The following PDCD2L variants were observed in gnomAD, a reference collection of about 807,000 sequenced individuals.
PDCD2L encodes the protein programmed cell death 2 like, also known as uS5 assembly chaperone PDCD2L.
In PDCD2L, 44 loss-of-function variants were observed where a neutral mutation model predicts 40.4. The ratio of observed to expected loss-of-function variants is 1.09; its 90% CI spans 0.86 to 1.40. The LOEUF (loss-of-function observed/expected upper bound fraction) is 1.40, where lower values mean the gene tolerates loss of function less well. Among genes scored for constraint, PDCD2L ranks in the 40% most tolerant of loss-of-function variants. PDCD2L has a pLI of 0.00. For synonymous variants in PDCD2L, 194 were observed against 174.6 expected (o/e 1.11, Z -0.88); for missense variants, 470 against 453.7 (o/e 1.04, Z -0.33).
At position 34,406,242 on chromosome 19, in the gene PDCD2L, G is replaced by A. The variant is rs948986201; in HGVS notation, c.336+1252G>A. 3.3e-5 allele frequency among the ~76,000 whole-genome samples: 5 copies of A among 152,082 alleles called. 1 individual carries two copies. In the South Asian group the frequency reaches 1.0e-3, roughly 32 times the overall value. On this transcript the variant is annotated intron_variant, in intron 3 of 6. Transcript: ENST00000246535. ...AGTTTATAATAATGTATAAATTTAT[G>A]AGGTATAAAGTGATGGCTATGATTC...
chr19:34,409,884 A>T (rs1042854077), intron 4 of PDCD2L, among the ~76,000 whole-genome samples: 2 of 152,206 alleles, frequency 1.3e-5, no homozygotes, highest in African/African-American at 4.8e-5. Flanking sequence ...AAAGGAAAAG[A>T]AAAACGCCAT....
Position 34,421,541 on chromosome 19 carries a change from C to A in PDCD2L, c.820C>A (p.Leu274Ile). The A allele has an allele frequency of 1.2e-6, 2 of 1,614,082 alleles. No homozygotes were observed. Among genetic ancestry groups the A allele is most frequent in the Non-Finnish European group, 1.7e-6 (2 of 1,180,002 alleles). The change falls in exon 6 of 7, where the codon CTC becomes ATC. Residue 274 changes from leucine (L) to isoleucine (I), a missense_variant. Physicochemically the swap from Leu to Ile is conservative, Grantham distance 5 (BLOSUM62 2). Transcript: ENST00000246535. ...TAGGTATTCCTGGAGTGGAGAGCCACTCTTTTTGACCTGCCCTACATCAGA... is the reference window on the plus strand; with the variant it reads ...TAGGTATTCCTGGAGTGGAGAGCCAATCTTTTTGACCTGCCCTACATCAGA... Reference protein sequence around the residue: ...ILRYSWSGEPLFLTCPTSEVT... With the variant: ...ILRYSWSGEPIFLTCPTSEVT...
intron 3 of PDCD2L, 75 bp downstream of exon 3, chr19:34,405,065 C>T (rs990647001): frequency 6.6e-7 from 1 of 1,515,638 alleles, no homozygotes; most frequent in East Asian, 2.4e-5. Context: ...TTGGGGCAGA[C>T]TTTAAAGCCG....
chr19:34,420,574 G>T (rs776469440), intron 5 of PDCD2L, among the ~76,000 whole-genome samples: 2 of 151,860 alleles, frequency 1.3e-5, no homozygotes, highest in African/African-American at 2.4e-5. Context: ...GATCACTTGA[G>T]GCCAGGAGTT....
At chr19:34,418,617 G>C (rs572756344) in intron 5 of PDCD2L, among the ~76,000 whole-genome samples, 1 of 152,274 alleles carries the variant, frequency 6.6e-6, no homozygotes, top group Admixed American at 6.5e-5. Context: ...GACATGTTCT[G>C]ATTTTGGGGG....
At chr19:34,404,848 G>A in intron 2 of PDCD2L, 33 bp downstream of exon 2, 2 of 1,606,246 alleles carry the variant, frequency 1.2e-6, no homozygotes, top group Non-Finnish European at 8.5e-7. Flanking sequence ...TGCTCCAGGG[G>A]TGTCCTTTCC....
At chr19:34,419,772 G>GTTTTTTT (rs1568360914) in intron 5 of PDCD2L, among the ~76,000 whole-genome samples, 3 of 17,254 alleles carry the variant, frequency 1.7e-4, no homozygotes, top group African/African-American at 2.4e-4. Context: ...TCTTTATGTT[G>GTTTTTTT]CTTTTTTTTT....
chr19:34,407,497 C>T (rs1213854783), intron 3 of PDCD2L, among the ~76,000 whole-genome samples: 1 of 152,174 alleles, frequency 6.6e-6, no homozygotes, highest in African/African-American at 2.4e-5. Context: ...GTTTTAGATT[C>T]CACATATAAG....
chr19:34,421,813 G>A lies in PDCD2L; in HGVS notation c.946+146G>A, dbSNP rs911995802. On this transcript the variant is annotated intron_variant, in intron 6 of 6. Transcript: ENST00000246535. The stretch of plus-strand genomic sequence containing the variant: ...AAATTATTTTAAGAAATTTAGGCCA[G>A]GTGTGGTGGCTCATGCCTGTAATCC... 1.7e-5 allele frequency: 18 copies of A among 1,085,172 alleles called. No homozygotes were observed. In the African/African-American group the frequency reaches 2.3e-4, roughly 14 times the overall value. The allele number at this position is 1,085,172 out of a possible 1,614,324, so 67.2% of individuals were successfully genotyped here.
intron 5 of PDCD2L, among the ~76,000 whole-genome samples, chr19:34,421,059 T>C (rs2075148460): frequency 6.6e-6 from 1 of 152,234 alleles, no homozygotes; most frequent in South Asian, 2.1e-4. Context: ...ATGCTGCTGA[T>C]ACGACGGGAG....
intron 6 of PDCD2L, among the ~76,000 whole-genome samples, chr19:34,423,719 C>G (rs1475689663): frequency 6.6e-6 from 1 of 151,636 alleles, no homozygotes; most frequent in Non-Finnish European, 1.5e-5. Context: ...GAACTCCTGA[C>G]CTCAAGTGAT....
chr19:34,407,471 C>G (rs1044061185), intron 3 of PDCD2L, among the ~76,000 whole-genome samples: 5 of 152,142 alleles, frequency 3.3e-5, no homozygotes, highest in South Asian at 2.1e-4. Context: ...ACTCTACTCT[C>G]TACTTCTTTG....
intron 5 of PDCD2L, among the ~76,000 whole-genome samples, chr19:34,414,067 C>T (rs537593508): frequency 3.9e-5 from 6 of 152,240 alleles, no homozygotes; most frequent in Non-Finnish European, 7.3e-5. Flanking sequence ...CAAATACTTA[C>T]GAAGTCTATT....
At chr19:34,422,507 A>G (rs1041225799) in intron 6 of PDCD2L, among the ~76,000 whole-genome samples, 3 of 152,196 alleles carry the variant, frequency 2.0e-5, no homozygotes, top group East Asian at 3.9e-4. Context: ...TAAAACTATT[A>G]TCAATGTTAA....
At chr19:34,415,859 T>C (rs745985131) in intron 5 of PDCD2L, among the ~76,000 whole-genome samples, 10 of 152,214 alleles carry the variant, frequency 6.6e-5, no homozygotes, top group Non-Finnish European at 1.3e-4. Flanking sequence ...CATGGTTAAG[T>C]GCAAGTTCTA....
chr19:34,416,121 A>G (rs1391816583), intron 5 of PDCD2L, among the ~76,000 whole-genome samples: 2 of 152,154 alleles, frequency 1.3e-5, no homozygotes, highest in African/African-American at 2.4e-5. Context: ...AGGTTTCACC[A>G]TGTTGGCCAG....
chr19:34,413,955 C>A, intron 5 of PDCD2L, 108 bp downstream of exon 5: 1 of 679,666 alleles, frequency 1.5e-6, no homozygotes. Flanking sequence ...ACAGTATTCC[C>A]CAAACCAAGA....
intron 5 of PDCD2L, among the ~76,000 whole-genome samples, chr19:34,417,564 C>T (rs1317505404): frequency 6.7e-6 from 1 of 150,208 alleles, no homozygotes; most frequent in African/African-American, 2.5e-5. Flanking sequence ...ACCGAGACTG[C>T]GCCATTGCAC....
chr19:34,406,911 C>T (rs758425947), intron 3 of PDCD2L, among the ~76,000 whole-genome samples: 8 of 148,062 alleles, frequency 5.4e-5, no homozygotes, highest in Non-Finnish European at 1.0e-4. Flanking sequence ...CAGCTCACTG[C>T]AACCTCCACC....
Sources: allele counts gnomAD v4.1 joint callset (sites outside exome capture counted in the v4.1 genomes callset), GRCh38; gene constraint gnomAD v4.1.1; transcripts MANE v1.5; gene names NCBI Gene and HGNC (gene_info 2026-07-23, HGNC 2026-07-21).